Variants in SERP2 observed in about 807,000 individuals in gnomAD.
SERP2 encodes the protein stress associated endoplasmic reticulum protein family member 2.
In SERP2, 6 loss-of-function variants were observed where a neutral mutation model predicts 9.1. That is an observed-to-expected ratio of 0.66 (90% CI 0.36 to 1.30). The LOEUF (loss-of-function observed/expected upper bound fraction) is 1.30, where lower values mean the gene tolerates loss of function less well. Ranked by LOEUF, SERP2 falls within the 50% of genes most tolerant of loss-of-function variation. SERP2 has a pLI of 0.03. For synonymous variants in SERP2, 37 were observed against 27.3 expected (o/e 1.35, Z -1.10); for missense variants, 58 against 81.9 (o/e 0.71, Z 1.13).
At chr13:44,383,544 G>GTTTTTTTTTTTT (rs373109847) in intron 2 of SERP2, among the ~76,000 whole-genome samples, 1 of 91,830 alleles carries the variant, frequency 1.1e-5, no homozygotes, top group Non-Finnish European at 2.1e-5. Context: ...GGAGGTTTGC[G>GTTTTTTTTTTTT]TTTTTTTTGT....
At chr13:44,389,655 G>A (rs1012210010) in intron 2 of SERP2, among the ~76,000 whole-genome samples, 22 of 152,220 alleles carry the variant, frequency 1.4e-4, no homozygotes, top group Admixed American at 1.4e-3. Context: ...GAGATATTGA[G>A]GAACCTCCAT....
At chr13:44,373,661 G>A (rs1172981345), upstream of SERP2, 3 of 229,964 alleles carry the variant, frequency 1.3e-5, no homozygotes, top group Non-Finnish European at 2.5e-5. The surrounding 1 kb of genome is among the most constrained non-coding windows in gnomAD (Gnocchi z 4.8). Context: ...TTCGGCTACA[G>A]GACCGCGACA....
At chr13:44,374,152 G>A (rs1282311130) in intron 1 of SERP2, 43 bp downstream of exon 1, 6 of 1,192,916 alleles carry the variant, frequency 5.0e-6, no homozygotes, top group Non-Finnish European at 5.6e-6. Context: ...CCTGCAGCCC[G>A]GCGGGGTGGG....
chr13:44,375,570 T>A (rs186130193), intron 1 of SERP2, among the ~76,000 whole-genome samples: 27 of 152,304 alleles, frequency 1.8e-4, no homozygotes, highest in Middle Eastern at 3.4e-3. Context: ...TTATAATTGA[T>A]GTTAAGGCAT....
At chr13:44,383,415 A>G (rs896247027) in intron 2 of SERP2, among the ~76,000 whole-genome samples, 2 of 152,210 alleles carry the variant, frequency 1.3e-5, no homozygotes, top group Admixed American at 6.5e-5. Context: ...CAGCCCATGC[A>G]GCAGGACCTG....
rs78372660 is a variant in SERP2, at chr13:44,386,790, G to A, written c.157+7077G>A. Among the ~76,000 whole-genome samples, 1,209 of 152,330 alleles carry A rather than the reference G, an allele frequency of 7.9e-3. 45 individuals carry two copies. The highest frequency in any genetic ancestry group is 0.055 in the Admixed American group (844 of 15,300). On this transcript the variant is annotated intron_variant, in intron 2 of 2. Transcript: ENST00000379179. ...AACCCAAATAGGCCAGAAACTTCTTGTCAAACCTTAGCCTGGGATTTTGTT... is the reference window on the plus strand; with the variant it reads ...AACCCAAATAGGCCAGAAACTTCTTATCAAACCTTAGCCTGGGATTTTGTT...
chr13:44,391,374 C>T lies in SERP2; in HGVS notation c.158-5898C>T, dbSNP rs542085782. ...TTTGAGGTTTTTAAAATGTAATTTC[C>T]TCTGTGCTCTTTGCAATCGTTCACT... On this transcript the variant is annotated intron_variant, in intron 2 of 2. Transcript: ENST00000379179. Among the ~76,000 whole-genome samples the T allele has an allele frequency of 5.1e-4, 78 of 152,296 alleles. 1 individual carries two copies. The South Asian group carries it at 5.6e-3, about 11-fold the overall frequency.
At chr13:44,397,090 G>A (rs1459967033) in intron 2 of SERP2, among the ~76,000 whole-genome samples, 182 bp from the exon 3 acceptor site, 1 of 152,144 alleles carries the variant, frequency 6.6e-6, no homozygotes, top group Admixed American at 6.5e-5. Context: ...GACTGAGCGA[G>A]GCTGCCTTTT....
intron 2 of SERP2, among the ~76,000 whole-genome samples, chr13:44,396,328 T>C (rs1873101622): frequency 6.6e-6 from 1 of 151,792 alleles, no homozygotes; most frequent in South Asian, 2.1e-4. Flanking sequence ...ATCCTGGATG[T>C]ATTCCAGGAT....
chr13:44,379,627 C>T lies in SERP2; in HGVS notation c.85-14C>T. 6.2e-7 allele frequency: 1 copy of T among 1,601,052 alleles called. No individual in the cohort carries two copies. Among genetic ancestry groups the T allele is most frequent in the Non-Finnish European group, 8.5e-7 (1 of 1,171,104 alleles). ...TCAATGAACCTAATCTTACTTTTTCCCATTCCCTTTTAGAGGCCGCAAGAG... is the reference window on the plus strand; with the variant it reads ...TCAATGAACCTAATCTTACTTTTTCTCATTCCCTTTTAGAGGCCGCAAGAG... On this transcript the variant is annotated splice_polypyrimidine_tract_variant and intron_variant, in intron 1 of 2. Transcript: ENST00000379179.
intron 2 of SERP2, among the ~76,000 whole-genome samples, chr13:44,395,524 A>G (rs1873040120): frequency 6.6e-6 from 1 of 151,418 alleles, no homozygotes; most frequent in East Asian, 1.9e-4. Context: ...GAATGGCGTG[A>G]ACCGGGGAGG....
chr13:44,374,750 C>A (rs1439656112), intron 1 of SERP2, among the ~76,000 whole-genome samples: 2 of 152,110 alleles, frequency 1.3e-5, no homozygotes, highest in African/African-American at 4.8e-5. Flanking sequence ...GACCCACATT[C>A]CCTCCAGCCT....
Position 44,397,403 on chromosome 13 carries a change from C to A in SERP2, c.*91C>A. The A allele has an allele frequency of 9.9e-7, 1 of 1,014,028 alleles. No individual in the cohort carries two copies. Among genetic ancestry groups the A allele is most frequent in the Non-Finnish European group, 1.5e-6 (1 of 645,870 alleles). The allele number at this position is 1,014,028 out of a possible 1,614,324, so 62.8% of individuals were successfully genotyped here. A position where few individuals can be genotyped will look rare whatever the true frequency, so the allele number is the denominator to read the frequency against. ...CAGTTTCTGCGGGAAACAAGCAGGC[C>A]ACACGGAATAGAAAAAAACGCTCCC... On this transcript the variant is annotated 3_prime_UTR_variant, in exon 3 of 3. Transcript: ENST00000379179.
At chr13:44,393,990 C>T (rs1872936243) in intron 2 of SERP2, among the ~76,000 whole-genome samples, 1 of 152,172 alleles carries the variant, frequency 6.6e-6, no homozygotes, top group Non-Finnish European at 1.5e-5. Context: ...GATCGCTGGA[C>T]TCTTATATGT....
At chr13:44,379,829 C>G (rs550203187) in intron 2 of SERP2, 116 bp downstream of exon 2, 3 of 695,752 alleles carry the variant, frequency 4.3e-6, no homozygotes, top group Non-Finnish European at 7.5e-6. Flanking sequence ...TCAAGTTTAT[C>G]ACTGCCTTAA....
chr13:44,386,232 C>CTTAA (rs935728652), intron 2 of SERP2, among the ~76,000 whole-genome samples: 1 of 152,176 alleles, frequency 6.6e-6, no homozygotes, highest in Non-Finnish European at 1.5e-5. Flanking sequence ...GTTTCATTTC[C>CTTAA]TTAAAGCAAC....
At chr13:44,373,669 A>G (rs1233760167), upstream of SERP2, 1 of 244,166 alleles carries the variant, frequency 4.1e-6, no homozygotes, top group Non-Finnish European at 7.8e-6. This position sits in a 1 kb window ranked among gnomAD's most constrained non-coding sequence, Gnocchi z 4.8. Flanking sequence ...CAGGACCGCG[A>G]CACTGCAGGG....
chr13:44,379,911 A>C (rs1871874449), intron 2 of SERP2, among the ~76,000 whole-genome samples, 198 bp downstream of exon 2: 1 of 152,250 alleles, frequency 6.6e-6, no homozygotes, highest in Non-Finnish European at 1.5e-5. Context: ...ATACACTATC[A>C]AATCCTAATC....
chr13:44,385,815 G>A (rs1872281185), intron 2 of SERP2, among the ~76,000 whole-genome samples: 1 of 152,144 alleles, frequency 6.6e-6, no homozygotes. Context: ...GCAGCTCTGG[G>A]GATCTAAGTA....
Sources: gnomAD v4.1 joint callset for allele counts (sites outside exome capture counted in the v4.1 genomes callset) on GRCh38, gnomAD v4.1.1 for gene constraint, Gnocchi (gnomAD v3.1) non-coding constraint, MANE v1.5 for transcripts, NCBI Gene and HGNC (gene_info 2026-07-23, HGNC 2026-07-21) for gene names.